VAV1: variants seen among roughly 807,000 people sequenced by gnomAD.
VAV1 encodes vav guanine nucleotide exchange factor 1.
A neutral mutation model predicts 128.1 loss-of-function variants in VAV1; 33 were observed. That is an observed-to-expected ratio of 0.26 (90% CI 0.20 to 0.34). VAV1 has a LOEUF of 0.34. VAV1 is among the 10% of genes least tolerant of loss of function. The probability of loss-of-function intolerance (pLI) is 1.00; values close to 1 mark genes in which losing one functional copy is unlikely to be tolerated. For synonymous variants in VAV1, 394 were observed against 409.8 expected (o/e 0.96, Z 0.47); for missense variants, 715 against 1,093.7 (o/e 0.65, Z 4.88).
At chr19:6,787,180 CTTT>C (rs1970912638) in intron 1 of VAV1, among the ~76,000 whole-genome samples, 7 of 151,312 alleles carry the variant, frequency 4.6e-5, no homozygotes, top group African/African-American at 1.7e-4. Flanking sequence ...TGTTTGTTTG[CTTT>C]TTTGTGTTTT....
Position 6,857,282 on chromosome 19 carries a change from T to C in VAV1, c.*175T>C. The C allele has an allele frequency of 1.3e-6, 1 of 764,100 alleles. No homozygotes were observed. The highest frequency in any genetic ancestry group is 2.0e-6 in the Non-Finnish European group (1 of 487,978). The allele number at this position is 764,100 out of a possible 1,614,324, so 47.3% of individuals were successfully genotyped here. A position where few individuals can be genotyped will look rare whatever the true frequency, so the allele number is the denominator to read the frequency against. On this transcript the variant is annotated 3_prime_UTR_variant, in exon 27 of 27. Transcript: ENST00000602142. Reference sequence around the variant, plus strand: ...GATGTGCCCTGACATGGTTAATTTATAACACCCCGATTTCCTCTTGGGTCC... The same window carrying C: ...GATGTGCCCTGACATGGTTAATTTACAACACCCCGATTTCCTCTTGGGTCC...
At chr19:6,796,634 C>A (rs1971142567) in intron 1 of VAV1, among the ~76,000 whole-genome samples, 1 of 152,194 alleles carries the variant, frequency 6.6e-6, no homozygotes, top group Non-Finnish European at 1.5e-5. Flanking sequence ...TCCAGACACC[C>A]ACCTGGATTG....
At chr19:6,849,466 AT>A (rs1340211642) in intron 23 of VAV1, among the ~76,000 whole-genome samples, 1 of 111,084 alleles carries the variant, frequency 9.0e-6, no homozygotes, top group Non-Finnish European at 1.7e-5. Flanking sequence ...ATTTTTTTGT[AT>A]TTTTAGTAGA....
At chr19:6,834,108 G>A (rs890313637) in intron 19 of VAV1, among the ~76,000 whole-genome samples, 155 bp downstream of exon 19, 7 of 151,804 alleles carry the variant, frequency 4.6e-5, no homozygotes, top group Non-Finnish European at 7.4e-5. Context: ...AGGCCAAGGC[G>A]GGAGGATCGC....
intron 1 of VAV1, among the ~76,000 whole-genome samples, chr19:6,793,056 C>T (rs185891230): frequency 3.9e-5 from 6 of 151,984 alleles, no homozygotes; most frequent in South Asian, 2.1e-4. Context: ...TATATATGGC[C>T]GGGCGCGGTG....
intron 23 of VAV1, 146 bp from the exon 24 acceptor site, chr19:6,850,524 G>A (rs1006104495): frequency 1.4e-5 from 9 of 664,418 alleles, no homozygotes; most frequent in African/African-American, 7.3e-5. Flanking sequence ...AGGCCCCAGG[G>A]AATGGGCTCT....
At chr19:6,854,409 G>T (rs1972744813) in intron 26 of VAV1, among the ~76,000 whole-genome samples, 1 of 152,074 alleles carries the variant, frequency 6.6e-6, no homozygotes, top group Non-Finnish European at 1.5e-5. Context: ...TCATGACACT[G>T]AGTGGTCAAG....
chr19:6,810,901 A>T (rs1971499325), intron 1 of VAV1, among the ~76,000 whole-genome samples: 2 of 152,132 alleles, frequency 1.3e-5, no homozygotes, highest in South Asian at 4.1e-4. Flanking sequence ...TGAAAGAATG[A>T]ACCTGTTTCC....
At chr19:6,786,573 A>G (rs1315987565) in intron 1 of VAV1, among the ~76,000 whole-genome samples, 1 of 152,116 alleles carries the variant, frequency 6.6e-6, no homozygotes, top group African/African-American at 2.4e-5. Flanking sequence ...ACTTGAGCCC[A>G]AAAGTTTGAG....
chr19:6,833,870 G>C, intron 18 of VAV1, 38 bp from the exon 19 acceptor site: 1 of 1,614,114 alleles, frequency 6.2e-7, no homozygotes, highest in East Asian at 2.2e-5. Context: ...CCCCAGGCTG[G>C]GCATAGGTAG....
intron 21 of VAV1, 115 bp downstream of exon 21, chr19:6,837,165 C>T (rs1972243978): frequency 9.1e-7 from 1 of 1,093,294 alleles, no homozygotes; most frequent in Non-Finnish European, 1.4e-6. Context: ...CCCATCATGG[C>T]AGGTCTTTCT....
intron 21 of VAV1, among the ~76,000 whole-genome samples, chr19:6,841,003 C>T (rs1011878841): frequency 6.6e-6 from 1 of 152,046 alleles, no homozygotes; most frequent in African/African-American, 2.4e-5. Context: ...GTCTCGAACT[C>T]CTGACCTGAG....
At chr19:6,827,928 A>T (rs1421659499) in intron 9 of VAV1, 148 bp from the exon 10 acceptor site, 2 of 638,722 alleles carry the variant, frequency 3.1e-6, no homozygotes, top group Non-Finnish European at 5.5e-6. Context: ...CCTTGGGGGC[A>T]GATATGATGC....
At chr19:6,837,498 G>C (rs1430336299) in intron 21 of VAV1, among the ~76,000 whole-genome samples, 1 of 151,920 alleles carries the variant, frequency 6.6e-6, no homozygotes, top group Non-Finnish European at 1.5e-5. Flanking sequence ...TCTTCATGAT[G>C]ACTTCAGATC....
intron 19 of VAV1, among the ~76,000 whole-genome samples, chr19:6,835,172 C>G (rs1018688597): frequency 2.2e-4 from 34 of 151,236 alleles, no homozygotes; most frequent in African/African-American, 8.0e-4. Context: ...CAACCCGTGT[C>G]CTTTGTACAA....
intron 1 of VAV1, among the ~76,000 whole-genome samples, chr19:6,785,806 C>T (rs955609114): frequency 7.3e-5 from 11 of 151,438 alleles, no homozygotes; most frequent in South Asian, 2.1e-4. Context: ...ATTATAGGGA[C>T]GCACCACCAC....
chr19:6,793,556 A>G (rs1191454230), intron 1 of VAV1, among the ~76,000 whole-genome samples: 1 of 151,820 alleles, frequency 6.6e-6, no homozygotes, highest in Non-Finnish European at 1.5e-5. Context: ...TAGTACAGGA[A>G]AATGTGCAGG....
chr19:6,851,660 T>C (rs1361246927), intron 24 of VAV1, among the ~76,000 whole-genome samples: 3 of 152,210 alleles, frequency 2.0e-5, no homozygotes, highest in Admixed American at 1.3e-4. Context: ...TCAAATGCCT[T>C]TTGAGGGTTC....
At chr19:6,798,945 C>T (rs935840864) in intron 1 of VAV1, among the ~76,000 whole-genome samples, 2 of 148,650 alleles carry the variant, frequency 1.3e-5, no homozygotes, top group Admixed American at 6.8e-5. Context: ...CTCATTCCCT[C>T]GTACCTCCTG....
Sources: allele counts gnomAD v4.1 joint callset (sites outside exome capture counted in the v4.1 genomes callset), GRCh38; gene constraint gnomAD v4.1.1; transcripts MANE v1.5; gene names NCBI Gene and HGNC (gene_info 2026-07-23, HGNC 2026-07-21).